ARHGAP29: variants seen among roughly 807,000 people sequenced by gnomAD.
ARHGAP29 encodes the protein rho GTPase-activating protein 29.
ARHGAP29 carries 43 observed loss-of-function variants against 122.6 expected under a neutral mutation model. The ratio of observed to expected loss-of-function variants is 0.35; its 90% confidence interval spans 0.27 to 0.45. The LOEUF is 0.45. Among genes scored for constraint, ARHGAP29 ranks in the 20% least tolerant of loss-of-function variants. The pLI, the probability that ARHGAP29 is intolerant of heterozygous loss-of-function variation, is 1.00. For missense variants in ARHGAP29, 1,303 were observed against 1,477.2 expected (o/e 0.88, Z 1.93); for synonymous variants, 506 against 497.1 (o/e 1.02, Z -0.24).
At chr1:94,300,545 C>G in the ARHGAP29 span, among the ~76,000 whole-genome samples, 1 of 152,172 alleles carries the variant, frequency 6.6e-6, no homozygotes, top group South Asian at 2.1e-4. Context: ...TCCTACTCTC[C>G]TCCGCCTGAA....
intron 3 of ARHGAP29, among the ~76,000 whole-genome samples, chr1:94,216,015 T>A (rs1208995499): frequency 6.6e-6 from 1 of 152,168 alleles, no homozygotes; most frequent in African/African-American, 2.4e-5. Context: ...ACTATCATAC[T>A]GGATAACAGA....
chr1:94,230,159 C>T (rs949722198), intron 2 of ARHGAP29, among the ~76,000 whole-genome samples: 3 of 151,580 alleles, frequency 2.0e-5, no homozygotes, highest in African/African-American at 7.2e-5. Context: ...AAAAAATTAA[C>T]CTAGTTAAGA....
chr1:94,169,894 T>G lies in ARHGAP29; in HGVS notation c.*3975A>C, dbSNP rs1010338983. On this transcript the variant is annotated 3_prime_UTR_variant, in exon 23 of 23. Coordinates refer to ENST00000260526, the MANE Select transcript of ARHGAP29 (RefSeq NM_004815.4). ...AACCAAATCGGGGAAAATTTCAGCA[T>G]GAAAATAAGTGACAATAATACACTG... 1.1e-4 allele frequency among the ~76,000 whole-genome samples: 16 copies of G among 152,204 alleles called. No homozygotes were observed. Among genetic ancestry groups the G allele is most frequent in the African/African-American group, 3.9e-4 (16 of 41,522 alleles).
At position 94,174,707 on chromosome 1, in the gene ARHGAP29, G is replaced by T. The variant is rs1281112284; in HGVS notation, c.2948C>A (p.Ser983Tyr). Reference protein sequence around the residue: ...LLLDQEAESASQKIEDGKTPK... With the variant: ...LLLDQEAESAYQKIEDGKTPK... ...GGTTTTACCATCTTCTATCTTTTGG[G>T]ATGCTGATTCAGCCTCTTGGTCTAG... Residue 983 changes from serine (S) to tyrosine (Y), a missense_variant, in exon 23 of 23, where the codon TCC (serine) becomes TAC (tyrosine). By Grantham distance (144) the Ser-to-Tyr change is moderately radical (BLOSUM62 -2). This residue lies in a region of ARHGAP29 where 620 missense variants were observed against 651.2 expected (regional missense o/e 0.95). Coordinates refer to ENST00000260526, the MANE Select transcript of ARHGAP29 (RefSeq NM_004815.4). 6.2e-7 allele frequency: 1 copy of T among 1,613,900 alleles called. No individual in the cohort carries two copies. The highest frequency in any genetic ancestry group is 1.3e-5 in the African/African-American group (1 of 74,878).
chr1:94,190,416 T>A (rs1177392697), intron 12 of ARHGAP29: 1 of 198,216 alleles, frequency 5.0e-6, no homozygotes, highest in African/African-American at 2.3e-5. Flanking sequence ...TATATCCTGA[T>A]GGTCTGATCA....
rs370363449 is a variant in ARHGAP29 at position 94,185,486 on chromosome 1, C to A, written c.1781-5G>T. ...ATGTTCCAAGGGAATTGGGTCCTTG[C>A]AAGAGAAATAATTTACAAAAATTGT... On this transcript the variant is annotated splice_polypyrimidine_tract_variant and splice_region_variant and intron_variant, in intron 16 of 22. Transcript: ENST00000260526. The A allele has an allele frequency of 1.3e-6, 2 of 1,585,504 alleles. No individual in the cohort carries two copies. The highest frequency in any genetic ancestry group is 8.6e-7 in the Non-Finnish European group (1 of 1,169,214).
intron 1 of ARHGAP29, among the ~76,000 whole-genome samples, chr1:94,233,149 C>T (rs779243845): frequency 2.0e-5 from 3 of 151,822 alleles, no homozygotes; most frequent in Non-Finnish European, 4.4e-5. Flanking sequence ...GATACAGTTT[C>T]ACTATGTTGC....
Position 94,203,119 on chromosome 1 carries a change from T to G in ARHGAP29, c.854A>C (p.Gln285Pro). The G allele has an allele frequency of 6.2e-7, 1 of 1,612,940 alleles. No individual in the cohort carries two copies. Among genetic ancestry groups the G allele is most frequent in the Non-Finnish European group, 8.5e-7 (1 of 1,179,472 alleles). ...HLLQQTIAAL[Q>P]ANKFVQPLLG... is the part of the protein sequence containing the mutation. Reference sequence around the variant, plus strand: ...CTTTACCTGCACAAATTTGTTAGCCTGGAGAGCTGCAATTGTTTGTTGTAA... The same window carrying G: ...CTTTACCTGCACAAATTTGTTAGCCGGGAGAGCTGCAATTGTTTGTTGTAA... The change falls in exon 9 of 23, where the codon CAG becomes CCG. Residue 285 changes from glutamine (Q) to proline (P), a missense_variant. Coordinates refer to ENST00000260526, the MANE Select transcript of ARHGAP29 (RefSeq NM_004815.4).
the ARHGAP29 span, among the ~76,000 whole-genome samples, chr1:94,290,920 G>C: frequency 6.6e-6 from 1 of 152,072 alleles, no homozygotes; most frequent in Non-Finnish European, 1.5e-5. Context: ...TGGAGAGTTT[G>C]GTAGATGTCT....
At position 94,184,871 on chromosome 1, in the gene ARHGAP29, C is replaced by T. The variant is rs1114167282; in HGVS notation, c.2109+1G>A. 6.3e-7 allele frequency: 1 copy of T among 1,584,362 alleles called. No individual in the cohort carries two copies. The highest frequency in any genetic ancestry group is 8.6e-7 in the Non-Finnish European group (1 of 1,168,048). On this transcript the variant is annotated splice_donor_variant, in intron 18 of 22. Transcript: ENST00000260526. LOFTEE classifies it high-confidence loss of function. Reference sequence around the variant, plus strand: ...TTAAAATTTTAAGAGTTATAATGTACCTGTAGACACAAAGCTCTATTTTCA... The same window carrying T: ...TTAAAATTTTAAGAGTTATAATGTATCTGTAGACACAAAGCTCTATTTTCA...
intron 1 of ARHGAP29, among the ~76,000 whole-genome samples, chr1:94,273,596 T>C (rs1655075689): frequency 1.3e-5 from 2 of 152,224 alleles, no homozygotes; most frequent in African/African-American, 2.4e-5. Context: ...GTAAGATAGA[T>C]AGACAATTAG....
At chr1:94,228,509 A>G (rs1029507400) in intron 2 of ARHGAP29, among the ~76,000 whole-genome samples, 3 of 151,798 alleles carry the variant, frequency 2.0e-5, no homozygotes, top group African/African-American at 7.2e-5. Flanking sequence ...TTCTCTTTTC[A>G]GAGCTTTTGC....
the ARHGAP29 span, among the ~76,000 whole-genome samples, chr1:94,287,247 T>C: frequency 1.8e-4 from 28 of 152,332 alleles, no homozygotes; most frequent in East Asian, 4.4e-3. Context: ...CATCTGGAAT[T>C]GTAATCCCCA....
chr1:94,208,727 TG>T, intron 5 of ARHGAP29, 104 bp downstream of exon 5: 1 of 1,107,132 alleles, frequency 9.0e-7, no homozygotes, highest in Non-Finnish European at 1.3e-6. Flanking sequence ...CCCAAAGTGC[TG>T]GGATTACAGG....
At chr1:94,309,801 A>G in the ARHGAP29 span, among the ~76,000 whole-genome samples, 3 of 152,192 alleles carry the variant, frequency 2.0e-5, no homozygotes, top group Non-Finnish European at 4.4e-5. Flanking sequence ...AGAAACTCCT[A>G]TAGATAAGTT....
chr1:94,206,694 C>T (rs898343302), intron 5 of ARHGAP29, among the ~76,000 whole-genome samples: 4 of 151,890 alleles, frequency 2.6e-5, no homozygotes, highest in African/African-American at 7.3e-5. Context: ...GTCAGGAGCT[C>T]GAGGCCAGCC....
chr1:94,216,017 G>A (rs1651937962), intron 3 of ARHGAP29, among the ~76,000 whole-genome samples: 1 of 152,160 alleles, frequency 6.6e-6, no homozygotes, highest in Non-Finnish European at 1.5e-5. Flanking sequence ...TATCATACTG[G>A]ATAACAGAGC....
intron 1 of ARHGAP29, among the ~76,000 whole-genome samples, chr1:94,246,582 A>C (rs1312587160): frequency 6.6e-6 from 1 of 152,166 alleles, no homozygotes; most frequent in Non-Finnish European, 1.5e-5. Flanking sequence ...TCCAAAAAAA[A>C]CAATGTGGAA....
At chr1:94,302,787 G>T in the ARHGAP29 span, 2 of 267,400 alleles carry the variant, frequency 7.5e-6, no homozygotes, top group South Asian at 7.2e-5. Context: ...CAAATATGAT[G>T]ACATCAAGGA....
Sources: gnomAD v4.1 joint callset for allele counts (sites outside exome capture counted in the v4.1 genomes callset) on GRCh38, gnomAD v4.1.1 for gene constraint, gnomAD v4.1.1 regional missense constraint, MANE v1.5 for transcripts, NCBI Gene and HGNC (gene_info 2026-07-23, HGNC 2026-07-21) for gene names.